PPP4R3A: variants seen among roughly 807,000 people sequenced by gnomAD.
PPP4R3A encodes the protein protein phosphatase 4 regulatory subunit 3A, also known as serine/threonine-protein phosphatase 4 regulatory subunit 3A.
PPP4R3A carries 15 observed loss-of-function variants against 91.7 expected under a neutral mutation model. That is an observed-to-expected ratio of 0.16 (90% CI 0.11 to 0.25). The LOEUF (loss-of-function observed/expected upper bound fraction) is 0.25, where lower values mean the gene tolerates loss of function less well. PPP4R3A is among the 10% of genes least tolerant of loss of function. PPP4R3A has a pLI of 1.00. For missense variants in PPP4R3A, 623 were observed against 998.4 expected, an observed-to-expected ratio of 0.62 and a Z score of 5.07; for synonymous variants, 377 against 348.7, an observed-to-expected ratio of 1.08 and a Z score of -0.91.
chr14:91,461,280 C>G, intron 14 of PPP4R3A, 101 bp downstream of exon 14: 1 of 1,022,108 alleles, frequency 9.8e-7, no homozygotes, highest in Non-Finnish European at 1.5e-6. Flanking sequence ...GATGTTAAAT[C>G]AGTTCTAGGT....
At position 91,469,975 on chromosome 14, in the gene PPP4R3A, ATGAAG is replaced by A. The variant is rs778762891; in HGVS notation, c.1660+857_1660+861del. 2.3e-3 allele frequency among the ~76,000 whole-genome samples: 353 copies of A among 152,272 alleles called. 1 individual carries two copies. The highest frequency in any genetic ancestry group is 4.0e-3 in the Non-Finnish European group (271 of 68,028). The stretch of plus-strand genomic sequence containing the variant: ...AATCAATTAAGCAAAACAATTAGAA[ATGAAG>A]TAAAGAAGATTAGCAAAAATGGATA... On this transcript the variant is annotated intron_variant, in intron 10 of 14. Coordinates refer to ENST00000554943, the MANE Select transcript of PPP4R3A (RefSeq NM_001366432.2).
At chr14:91,474,176 T>C (rs903204777) in intron 7 of PPP4R3A, among the ~76,000 whole-genome samples, 4 of 152,220 alleles carry the variant, frequency 2.6e-5, no homozygotes, top group Non-Finnish European at 5.9e-5. Flanking sequence ...AGGAAAAAAT[T>C]ATCTGAATGT....
At chr14:91,506,265 AAAGT>A (rs1891288729) in intron 1 of PPP4R3A, among the ~76,000 whole-genome samples, 1 of 152,224 alleles carries the variant, frequency 6.6e-6, no homozygotes. Context: ...CTTTAGGCTA[AAAGT>A]AATTTTCATT....
intron 1 of PPP4R3A, among the ~76,000 whole-genome samples, chr14:91,494,697 T>C (rs548499027): frequency 2.9e-4 from 44 of 152,164 alleles, no homozygotes; most frequent in African/African-American, 1.0e-3. Flanking sequence ...ACCCCATCTC[T>C]ACTAAAGACA....
In PPP4R3A at chr14:91,461,413, T is replaced by C; in HGVS notation, c.2359A>G (p.Asn787Asp). The change falls in exon 14 of 15, where the codon AAT becomes GAT. Residue 787 changes from asparagine (N) to aspartate (D), a missense_variant. Coordinates refer to ENST00000554943, the MANE Select transcript of PPP4R3A (RefSeq NM_001366432.2). ...GTAATAGCTGCCGTCTGAGATGTAT[T>C]TTTAGGTACGGATCCAGGAGAGCCT... ...SPGSPGSVPK[N>D]TSQTAAITTK... 6.2e-7 allele frequency: 1 copy of C among 1,612,644 alleles called. No individual in the cohort carries two copies. Among genetic ancestry groups the C allele is most frequent in the Non-Finnish European group, 8.5e-7 (1 of 1,178,730 alleles).
At chr14:91,497,396 C>T (rs1458599905) in intron 1 of PPP4R3A, among the ~76,000 whole-genome samples, 4 of 151,280 alleles carry the variant, frequency 2.6e-5, no homozygotes, top group East Asian at 1.9e-4. Context: ...TTTTCCCACA[C>T]ATCTGAGAAA....
At chr14:91,487,481 G>C (rs958791631) in intron 2 of PPP4R3A, among the ~76,000 whole-genome samples, 6 of 152,020 alleles carry the variant, frequency 3.9e-5, no homozygotes, top group Non-Finnish European at 7.4e-5. Context: ...CTGGTACAAA[G>C]AGAATTTAGA....
chr14:91,466,940 A>AACACACACACACACAC (rs10525073), intron 10 of PPP4R3A, among the ~76,000 whole-genome samples: 11,261 of 147,454 alleles, frequency 0.076, 473 homozygotes, highest in African/African-American at 0.1. Flanking sequence ...GTCCTACCAT[A>AACACACACACACACAC]ACACACACAC....
intron 1 of PPP4R3A, among the ~76,000 whole-genome samples, chr14:91,499,839 A>C (rs1890832393): frequency 7.6e-6 from 1 of 131,208 alleles, no homozygotes. Context: ...AAAAAAAAAA[A>C]AAGTTCCCTC....
chr14:91,475,744 G>C (rs201697707), intron 7 of PPP4R3A, 67 bp downstream of exon 7: 4 of 1,259,102 alleles, frequency 3.2e-6, no homozygotes, highest in Non-Finnish European at 4.0e-6. Context: ...AATCTTAAAA[G>C]TGAATAATAA....
chr14:91,461,467 G>C lies in PPP4R3A; in HGVS notation c.2305C>G (p.Pro769Ala). The C allele has an allele frequency of 6.2e-7, 1 of 1,614,162 alleles. No homozygotes were observed. Among genetic ancestry groups the C allele is most frequent in the Non-Finnish European group, 8.5e-7 (1 of 1,180,038 alleles). Residue 769 changes from proline to alanine, a missense_variant, in exon 14 of 15, where the codon CCG becomes GCG. Around this residue, in one of 5 missense-constraint regions of PPP4R3A, gnomAD observed 201 missense variants for 229.9 expected, o/e 0.87. Transcript: ENST00000554943. Reference sequence around the variant, plus strand: ...GATCCTGGGGATCCAGGTGATCCCGGAGAACCAGGCAGATTTGTTGTAGAT... The same window carrying C: ...GATCCTGGGGATCCAGGTGATCCCGCAGAACCAGGCAGATTTGTTGTAGAT... ...QSSTTNLPGSPGSPGSPGSPG... is the reference protein window; with the variant it reads ...QSSTTNLPGSAGSPGSPGSPG...
At chr14:91,508,008 A>G (rs1327847832) in intron 1 of PPP4R3A, among the ~76,000 whole-genome samples, 2 of 152,162 alleles carry the variant, frequency 1.3e-5, no homozygotes, top group Non-Finnish European at 2.9e-5. Context: ...CTTTCATCTC[A>G]TAAGAAGCTG....
chr14:91,462,416 C>T (rs899676866), intron 12 of PPP4R3A, among the ~76,000 whole-genome samples, 177 bp from the exon 13 acceptor site: 3 of 151,704 alleles, frequency 2.0e-5, no homozygotes, highest in African/African-American at 7.3e-5. Context: ...TAATTTGTAA[C>T]CTTAGTAACT....
intron 14 of PPP4R3A, among the ~76,000 whole-genome samples, chr14:91,460,233 CG>C (rs1888042016): frequency 6.6e-6 from 1 of 152,034 alleles, no homozygotes. Flanking sequence ...AGGATGGTCT[CG>C]GATCTCCTGA....
chr14:91,509,378 C>A, intron 1 of PPP4R3A, 128 bp downstream of exon 1: 2 of 1,370,668 alleles, frequency 1.5e-6, no homozygotes, highest in Non-Finnish European at 2.0e-6. Flanking sequence ...CCGTCCTCCC[C>A]CGAGGTGGCC....
At chr14:91,459,430 T>C (rs762542655) in intron 14 of PPP4R3A, among the ~76,000 whole-genome samples, 11 of 152,190 alleles carry the variant, frequency 7.2e-5, no homozygotes, top group Non-Finnish European at 1.3e-4. Flanking sequence ...TTAAGTAGTT[T>C]ATAATCCTAG....
rs936383422 is a variant in PPP4R3A at position 91,509,819 on chromosome 14, G to T, written c.-172C>A. The T allele has an allele frequency of 4.5e-5, 54 of 1,202,090 alleles. No individual in the cohort carries two copies. The highest frequency in any genetic ancestry group is 5.5e-5 in the Non-Finnish European group (53 of 972,218). The allele number at this position is 1,202,090 out of a possible 1,614,324, so 74.5% of individuals were successfully genotyped here. A position where few individuals can be genotyped will look rare whatever the true frequency, so the allele number is the denominator to read the frequency against. ...CGCCGCCTGCATGGCCCGCTCCAGG[G>T]ACCGAGCTCTGGGCCGCCGCCTTTC... is the stretch of plus-strand genomic sequence containing the variant. On this transcript the variant is annotated 5_prime_UTR_variant, in exon 1 of 15. Transcript: ENST00000554943.
chr14:91,464,201 A>G (rs973925831), intron 11 of PPP4R3A, among the ~76,000 whole-genome samples: 6 of 152,040 alleles, frequency 3.9e-5, no homozygotes, highest in African/African-American at 1.4e-4. Context: ...CATGTCTGTA[A>G]TCCCAGCTAC....
chr14:91,461,247 G>C, intron 14 of PPP4R3A, 134 bp downstream of exon 14: 1 of 769,534 alleles, frequency 1.3e-6, no homozygotes, highest in Non-Finnish European at 2.1e-6. Flanking sequence ...AAGCGGTGGG[G>C]GGGACTCATC....
Sources: allele counts gnomAD v4.1 joint callset (sites outside exome capture counted in the v4.1 genomes callset), GRCh38; gene constraint gnomAD v4.1.1; regional missense constraint gnomAD v4.1.1; transcripts MANE v1.5; gene names NCBI Gene and HGNC (gene_info 2026-07-23, HGNC 2026-07-21).